Variants in ROBO1 observed in about 807,000 individuals in gnomAD.
The protein encoded by ROBO1 is roundabout homolog 1.
In ROBO1, 149 loss-of-function variants were observed where a neutral mutation model predicts 195.9. The observed-to-expected ratio is 0.76, with a 90% CI of 0.67 to 0.87. ROBO1 has a LOEUF of 0.87. Among genes scored for constraint, ROBO1 ranks in the 40% least tolerant of loss-of-function variants. The pLI is 0.00. For missense variants in ROBO1, 1,933 were observed against 2,068.3 expected (o/e 0.93, Z 1.27); for synonymous variants, 816 against 733.2 (o/e 1.11, Z -1.82).
intron 2 of ROBO1, among the ~76,000 whole-genome samples, chr3:79,277,152 A>G (rs1184184923): frequency 2.0e-5 from 3 of 152,090 alleles, no homozygotes; most frequent in Non-Finnish European, 4.4e-5. Context: ...TGTATATTGA[A>G]GAGATATCTG....
chr3:79,333,239 A>G (rs573319801), intron 2 of ROBO1, among the ~76,000 whole-genome samples: 80 of 151,736 alleles, frequency 5.3e-4, no homozygotes, highest in African/African-American at 1.8e-3. Flanking sequence ...AAAAAAATCA[A>G]TTATGATCAC....
At chr3:79,491,872 T>C (rs573322863) in intron 2 of ROBO1, among the ~76,000 whole-genome samples, 1 of 152,040 alleles carries the variant, frequency 6.6e-6, no homozygotes, top group South Asian at 2.1e-4. Flanking sequence ...TAGTTTGAGA[T>C]TTGGAAATGG....
intron 4 of ROBO1, among the ~76,000 whole-genome samples, chr3:78,884,298 A>C (rs937176277): frequency 3.3e-5 from 5 of 152,114 alleles, no homozygotes; most frequent in Non-Finnish European, 7.4e-5. Context: ...TACTAAAAGC[A>C]AGAAAGCCAG....
In ROBO1 at chr3:79,581,839, T is replaced by G. The variant is rs1333351879; in HGVS notation, c.88+7985A>C. Among the ~76,000 whole-genome samples, 9 of 152,078 alleles carry G rather than the reference T, an allele frequency of 5.9e-5. No individual in the cohort carries two copies. The South Asian group carries it at 1.9e-3, about 31-fold the overall frequency. On this transcript the variant is annotated intron_variant, in intron 2 of 30. Transcript: ENST00000464233. The stretch of plus-strand genomic sequence containing the variant: ...AATAAACAAATACAGGGTACAAATC[T>G]TAAGCAATATATTTACATTGAAAGA...
intron 8 of ROBO1, among the ~76,000 whole-genome samples, chr3:78,694,377 A>G (rs1354210319): frequency 2.0e-5 from 3 of 152,196 alleles, no homozygotes; most frequent in South Asian, 2.1e-4. Flanking sequence ...GTTTAAATAA[A>G]TGCTAAAGAA....
At chr3:79,767,376 C>A (rs1373716053) in intron 1 of ROBO1, among the ~76,000 whole-genome samples, 2 of 152,120 alleles carry the variant, frequency 1.3e-5, no homozygotes, top group Admixed American at 6.5e-5. Flanking sequence ...AAAAGCGGCA[C>A]GAAACCTACT....
chr3:78,878,172 A>G (rs2035963947), intron 4 of ROBO1, among the ~76,000 whole-genome samples: 2 of 152,150 alleles, frequency 1.3e-5, no homozygotes, highest in Admixed American at 1.3e-4. Context: ...CCAGGCTGTC[A>G]CAATGAAAAC....
intron 3 of ROBO1, among the ~76,000 whole-genome samples, chr3:78,981,476 A>C (rs548220365): frequency 1.3e-5 from 2 of 152,262 alleles, no homozygotes; most frequent in African/African-American, 2.4e-5. Context: ...CATAATATGA[A>C]ATTTACCATC....
intron 2 of ROBO1, among the ~76,000 whole-genome samples, chr3:79,371,216 T>C (rs2036181457): frequency 6.6e-6 from 1 of 152,196 alleles, no homozygotes; most frequent in South Asian, 2.1e-4. Flanking sequence ...ACGAGATTAC[T>C]GGGTCAAATG....
intron 1 of ROBO1, among the ~76,000 whole-genome samples, chr3:79,654,478 A>G (rs1946101867): frequency 6.6e-6 from 1 of 152,038 alleles, no homozygotes; most frequent in African/African-American, 2.4e-5. Context: ...ATATAAAATG[A>G]AATGATTATT....
intron 1 of ROBO1, among the ~76,000 whole-genome samples, chr3:79,620,809 C>A (rs1560045095): frequency 6.6e-6 from 1 of 152,104 alleles, no homozygotes; most frequent in Non-Finnish European, 1.5e-5. Context: ...TCCCATTCCA[C>A]AGCAGGCTTT....
chr3:78,724,949 C>T (rs1201674111), intron 5 of ROBO1, among the ~76,000 whole-genome samples: 29 of 152,128 alleles, frequency 1.9e-4, no homozygotes, highest in Admixed American at 1.8e-3. Flanking sequence ...GAATTGTAAA[C>T]CTATCAAAAA....
chr3:78,756,101 G>C (rs2082922564), intron 4 of ROBO1, among the ~76,000 whole-genome samples: 1 of 151,684 alleles, frequency 6.6e-6, no homozygotes, highest in Non-Finnish European at 1.5e-5. Context: ...CAACATATGT[G>C]GATTATATAT....
chr3:78,801,831 G>A (rs2084381130), intron 4 of ROBO1, among the ~76,000 whole-genome samples: 1 of 152,080 alleles, frequency 6.6e-6, no homozygotes, highest in South Asian at 2.1e-4. Flanking sequence ...CATTTTGTGG[G>A]ACATTTACAA....
chr3:79,358,987 C>A (rs1000355850), intron 2 of ROBO1, among the ~76,000 whole-genome samples: 2 of 151,956 alleles, frequency 1.3e-5, no homozygotes, highest in Admixed American at 6.6e-5. Context: ...TCCCTATAAA[C>A]GTTCATCTAT....
chr3:79,039,384 T>C (rs531111737), intron 3 of ROBO1, among the ~76,000 whole-genome samples: 2 of 152,284 alleles, frequency 1.3e-5, no homozygotes, highest in Admixed American at 6.5e-5. Flanking sequence ...TAGAATTGAA[T>C]TGTCAACTTG....
At chr3:78,893,192 C>A (rs2037009470) in intron 4 of ROBO1, among the ~76,000 whole-genome samples, 1 of 152,176 alleles carries the variant, frequency 6.6e-6, no homozygotes, top group Admixed American at 6.5e-5. Context: ...AATACAGGTG[C>A]TGAAATTTAA....
Position 78,842,324 on chromosome 3 carries a change from TATATATTTTTATATATATGAGCC to T in ROBO1, c.500-95447_500-95425del, listed in dbSNP as rs1199488718. Among the ~76,000 whole-genome samples, 82 of 121,874 alleles carry T rather than the reference TATATATTTTTATATATATGAGCC, an allele frequency of 6.7e-4. 15 individuals are homozygous for T. The highest frequency in any genetic ancestry group is 8.5e-4 in the Admixed American group (9 of 10,568). The allele number at this position is 121,874 out of a possible 152,430, so 80.0% of individuals were successfully genotyped here. On this transcript the variant is annotated intron_variant, in intron 4 of 30. Transcript: ENST00000464233. ...TATATATATTTATATATATGAGCCA[TATATATTTTTATATATATGAGCC>T]ATATATATTTTTATATATATGAGCC...
chr3:79,716,394 C>T (rs1702486224), intron 1 of ROBO1, among the ~76,000 whole-genome samples: 1 of 151,832 alleles, frequency 6.6e-6, no homozygotes, highest in African/African-American at 2.4e-5. Context: ...ATGAACAGTA[C>T]ATTCTGTAAA....
Sources: allele counts gnomAD v4.1 joint callset (sites outside exome capture counted in the v4.1 genomes callset), GRCh38; gene constraint gnomAD v4.1.1; transcripts MANE v1.5; gene names NCBI Gene and HGNC (gene_info 2026-07-23, HGNC 2026-07-21).